Variants in MUC13 observed in about 807,000 individuals in gnomAD.
The protein encoded by MUC13 is mucin-13.
In MUC13, 32 loss-of-function variants were observed where a neutral mutation model predicts 48.3. That is an observed-to-expected ratio of 0.66 (90% confidence interval 0.50 to 0.89). The LOEUF is 0.89. Among genes scored for constraint, MUC13 ranks in the 40% least tolerant of loss-of-function variants. MUC13 has a pLI of 0.00. For missense variants in MUC13, 571 were observed against 622.8 expected (o/e 0.92, Z 0.88); for synonymous variants, 199 against 224.9 (o/e 0.88, Z 1.03).
intron 5 of MUC13, among the ~76,000 whole-genome samples, chr3:124,919,161 C>A (rs1296027098): frequency 3.3e-5 from 5 of 151,050 alleles, no homozygotes; most frequent in African/African-American, 9.8e-5. Context: ...CATGGTGAAA[C>A]CCCGTCTCTA....
chr3:124,913,498 T>C, intron 7 of MUC13, 64 bp downstream of exon 7: 1 of 1,609,834 alleles, frequency 6.2e-7, no homozygotes, highest in Non-Finnish European at 8.5e-7. Flanking sequence ...AGTGAATTTT[T>C]TATGTTGCAA....
In MUC13 at chr3:124,905,493, A is replaced by G. The variant is rs1331596672; in HGVS notation, c.*1250T>C. The G allele has an allele frequency of 6.6e-6, 1 of 152,326 alleles. No individual in the cohort carries two copies. Among genetic ancestry groups the G allele is most frequent in the African/African-American group, 2.4e-5 (1 of 41,456 alleles). The allele number at this position is 152,326 out of a possible 1,614,324, so 9.4% of individuals were successfully genotyped here. On this transcript the variant is annotated 3_prime_UTR_variant, in exon 12 of 12. Transcript: ENST00000616727. ...CATTACCATTCACAATTAACAGTCA[A>G]GAACAAATAATAATAACAAATAAAA... is the stretch of plus-strand genomic sequence containing the variant.
chr3:124,914,503 C>A (rs889365814), intron 6 of MUC13, among the ~76,000 whole-genome samples: 1 of 152,148 alleles, frequency 6.6e-6, no homozygotes, highest in Non-Finnish European at 1.5e-5. Context: ...CTAAACATCC[C>A]AAACTGTAAC....
intron 3 of MUC13, among the ~76,000 whole-genome samples, chr3:124,923,240 G>A (rs1043785340): frequency 2.0e-5 from 3 of 152,068 alleles, no homozygotes; most frequent in African/African-American, 7.2e-5. Context: ...GGGCTCTTAT[G>A]TCTCTAAGAG....
chr3:124,919,355 G>GT (rs1491182464), intron 5 of MUC13, among the ~76,000 whole-genome samples: 65 of 119,534 alleles, frequency 5.4e-4, no homozygotes, highest in Admixed American at 2.7e-3. Context: ...AAAAAAAAAT[G>GT]GTTTTTTTTT....
chr3:124,927,467 C>T (rs1935707735), intron 2 of MUC13, 65 bp downstream of exon 2: 2 of 1,501,002 alleles, frequency 1.3e-6, no homozygotes, highest in African/African-American at 1.4e-5. Flanking sequence ...CAGAACATAC[C>T]CACCTCCCTC....
At chr3:124,917,070 A>G (rs772275759) in intron 5 of MUC13, among the ~76,000 whole-genome samples, 1 of 152,132 alleles carries the variant, frequency 6.6e-6, no homozygotes, top group African/African-American at 2.4e-5. Flanking sequence ...TGCGGGAAAC[A>G]TGAGCAAATC....
chr3:124,923,924 G>A (rs1414120685), intron 2 of MUC13, among the ~76,000 whole-genome samples: 1 of 152,176 alleles, frequency 6.6e-6, no homozygotes, highest in African/African-American at 2.4e-5. Flanking sequence ...AAGAGAGATT[G>A]CAGTCTTCTG....
chr3:124,917,916 T>C (rs1178522009), intron 5 of MUC13, among the ~76,000 whole-genome samples: 1 of 152,156 alleles, frequency 6.6e-6, no homozygotes, highest in Non-Finnish European at 1.5e-5. Context: ...TAAAAGAATC[T>C]ACCAGTTTAT....
intron 10 of MUC13, among the ~76,000 whole-genome samples, chr3:124,908,798 A>G (rs1935368116): frequency 6.6e-6 from 1 of 152,236 alleles, no homozygotes; most frequent in Non-Finnish European, 1.5e-5. Context: ...ACAGCATTTC[A>G]TTCAGCAAAG....
chr3:124,917,887 C>T (rs1002111957), intron 5 of MUC13, among the ~76,000 whole-genome samples: 7 of 152,038 alleles, frequency 4.6e-5, no homozygotes, highest in African/African-American at 9.7e-5. Context: ...AAAGCAAATG[C>T]CATCCATAAT....
rs141987939 is a variant in MUC13, at chr3:124,913,209, G to T, written c.1116C>A (p.Asn372Lys). ...ASSLKCPDAC[N>K]AQHKQCLIKK... is the part of the protein sequence containing the mutation. ...TTATTAAGCATTGCTTGTGCTGTGC[G>T]TTGCAGGCATCAGGACACTTGAGAC... Residue 372 changes from asparagine (N) to lysine (K), a missense_variant, in exon 8 of 12, where the codon AAC becomes AAA. Transcript: ENST00000616727. 4.3e-5 allele frequency: 70 copies of T among 1,613,734 alleles called. No homozygotes were observed. In the East Asian group the frequency reaches 1.5e-3, roughly 35 times the overall value.
At chr3:124,918,914 C>A (rs773202624) in intron 5 of MUC13, among the ~76,000 whole-genome samples, 1 of 152,188 alleles carries the variant, frequency 6.6e-6, no homozygotes, top group African/African-American at 2.4e-5. Flanking sequence ...GAAAACTGTG[C>A]CTCTTCACTG....
At chr3:124,924,183 G>A (rs1935650685) in intron 2 of MUC13, among the ~76,000 whole-genome samples, 1 of 152,218 alleles carries the variant, frequency 6.6e-6, no homozygotes, top group South Asian at 2.1e-4. Context: ...GGAGAGAAAT[G>A]TGGATTAACT....
At chr3:124,930,308 C>T (rs1394335871) in intron 1 of MUC13, among the ~76,000 whole-genome samples, 1 of 151,914 alleles carries the variant, frequency 6.6e-6, no homozygotes, top group East Asian at 1.9e-4. Context: ...ATAAATGAGA[C>T]ACATTCCAAG....
chr3:124,918,697 T>C (rs893039029), intron 5 of MUC13, among the ~76,000 whole-genome samples: 4 of 152,230 alleles, frequency 2.6e-5, no homozygotes, highest in African/African-American at 7.2e-5. Flanking sequence ...AGGATTCAAG[T>C]ACAGGCTTAG....
intron 10 of MUC13, among the ~76,000 whole-genome samples, chr3:124,909,154 A>G (rs78657317): frequency 7.7e-6 from 1 of 129,574 alleles, no homozygotes; most frequent in South Asian, 2.2e-4. Flanking sequence ...ACTCTGTCTC[A>G]AAAAAAAAAA....
intron 5 of MUC13, among the ~76,000 whole-genome samples, chr3:124,916,766 A>G (rs907824068): frequency 2.0e-5 from 3 of 152,194 alleles, no homozygotes; most frequent in Non-Finnish European, 4.4e-5. Context: ...ATTATGAATC[A>G]CATTTTAAGG....
At chr3:124,933,760 T>C (rs1275554710) in intron 1 of MUC13, among the ~76,000 whole-genome samples, 2 of 152,210 alleles carry the variant, frequency 1.3e-5, no homozygotes, top group Non-Finnish European at 2.9e-5. Flanking sequence ...ACACATTAAA[T>C]ACAGTTGTAT....
Sources: allele counts gnomAD v4.1 joint callset (sites outside exome capture counted in the v4.1 genomes callset), GRCh38; gene constraint gnomAD v4.1.1; transcripts MANE v1.5; gene names NCBI Gene and HGNC (gene_info 2026-07-23, HGNC 2026-07-21).